JAK2: variants seen among roughly 807,000 people sequenced by gnomAD.
JAK2 encodes the protein tyrosine-protein kinase JAK2.
A neutral mutation model predicts 139.3 loss-of-function variants in JAK2; 86 were observed. The observed-to-expected ratio is 0.62, with a 90% CI of 0.52 to 0.74. The LOEUF is 0.74. Among genes scored for constraint, JAK2 ranks in the 30% least tolerant of loss-of-function variants. JAK2 has a pLI of 0.00. For missense variants in JAK2, 1,421 were observed against 1,360.3 expected (o/e 1.04, Z -0.70); for synonymous variants, 490 against 437.7 (o/e 1.12, Z -1.49).
rs117569781 is a variant in JAK2, at chr9:5,075,832, G to A, written c.1865-1621G>A. The stretch of plus-strand genomic sequence containing the variant: ...AGCTGCCATAGATAGTGATTCCTCT[G>A]GTGGATCTGGGTAAAGTAAGTAGAA... On this transcript the variant is annotated intron_variant, in intron 14 of 24. Coordinates refer to ENST00000381652, the MANE Select transcript of JAK2 (RefSeq NM_004972.4). Among the ~76,000 whole-genome samples, 907 of 152,220 alleles carry A rather than the reference G, an allele frequency of 6.0e-3. 2 individuals carry two copies. The highest frequency in any genetic ancestry group is 0.01 in the Non-Finnish European group (688 of 68,020).
At chr9:5,092,124 G>A (rs1444101717) in intron 22 of JAK2, among the ~76,000 whole-genome samples, 3 of 152,088 alleles carry the variant, frequency 2.0e-5, no homozygotes, top group East Asian at 1.9e-4. Flanking sequence ...ACATAAAAAC[G>A]TTAGGTCAAC....
intron 22 of JAK2, chr9:5,114,396 G>C (rs1704482389): frequency 1.9e-6 from 1 of 514,076 alleles, no homozygotes; most frequent in Admixed American, 2.3e-5. Context: ...CCTGCTGGTG[G>C]GCACCAGAGA....
Position 5,054,617 on chromosome 9 carries a change from T to G in JAK2, c.669T>G (p.Ile223Met), listed in dbSNP as rs771717638. 6.2e-7 allele frequency: 1 copy of G among 1,612,402 alleles called. No homozygotes were observed. The highest frequency in any genetic ancestry group is 1.7e-5 in the Admixed American group (1 of 59,846). Residue 223 changes from isoleucine (I) to methionine (M), a missense_variant, in exon 7 of 25, where the codon ATT becomes ATG. Ile to Met is a conservative substitution (Grantham distance 10). Coordinates refer to ENST00000381652, the MANE Select transcript of JAK2 (RefSeq NM_004972.4). The surrounding 1 kb of genome is among the most constrained non-coding windows in gnomAD (Gnocchi z 4.9). ...GAGCAAAGATCCAAGACTATCATAT[T>G]TTGACAAGGAAGCGAATAAGGTACA... Reference protein sequence around the residue: ...CIRAKIQDYHILTRKRIRYRF... With the variant: ...CIRAKIQDYHMLTRKRIRYRF...
In JAK2 at chr9:5,050,815, A is replaced by G. The variant is rs1338267116; in HGVS notation, c.598A>G (p.Ile200Val). 6.2e-7 allele frequency: 1 copy of G among 1,613,390 alleles called. No individual in the cohort carries two copies. Among genetic ancestry groups the G allele is most frequent in the Non-Finnish European group, 8.5e-7 (1 of 1,179,586 alleles). Residue 200 changes from isoleucine to valine, a missense_variant, in exon 6 of 25, where the codon ATC (isoleucine) becomes GTC (valine). Coordinates refer to ENST00000381652, the MANE Select transcript of JAK2 (RefSeq NM_004972.4). ...AKENDQTPLAIYNSISYKTFL... is the reference protein window; with the variant it reads ...AKENDQTPLAVYNSISYKTFL... ...AGAAAACGATCAAACCCCACTGGCC[A>G]TCTATAACTCTATCAGGTAATTTTC...
chr9:5,100,636 C>T (rs981732524), intron 22 of JAK2: 1 of 152,238 alleles, frequency 6.6e-6, no homozygotes, highest in African/African-American at 2.4e-5. Context: ...TTTCTGAATA[C>T]ATCTGTATTA....
chr9:5,097,212 G>A (rs951933120), intron 22 of JAK2: 4 of 151,912 alleles, frequency 2.6e-5, no homozygotes, highest in African/African-American at 4.8e-5. Flanking sequence ...ACCCCTTTTC[G>A]TCCAACCATT....
At chr9:5,037,403 C>T (rs1435665223) in intron 4 of JAK2, among the ~76,000 whole-genome samples, 8 of 152,190 alleles carry the variant, frequency 5.3e-5, no homozygotes, top group Non-Finnish European at 5.9e-5. Flanking sequence ...AAGACACATG[C>T]ACACGTATGT....
At chr9:5,023,633 C>T (rs1489540939) in intron 3 of JAK2, among the ~76,000 whole-genome samples, 1 of 152,204 alleles carries the variant, frequency 6.6e-6, no homozygotes, top group Non-Finnish European at 1.5e-5. Context: ...TGGAGTCTCT[C>T]CTAGCTTCTT....
chr9:5,095,337 A>G (rs1355335132), intron 22 of JAK2, among the ~76,000 whole-genome samples: 1 of 152,152 alleles, frequency 6.6e-6, no homozygotes, highest in Non-Finnish European at 1.5e-5. Context: ...GAATAAATAT[A>G]GTAGTTCTTA....
At chr9:5,086,443 C>A (rs918509220) in intron 19 of JAK2, among the ~76,000 whole-genome samples, 2 of 152,206 alleles carry the variant, frequency 1.3e-5, no homozygotes, top group African/African-American at 2.4e-5. Context: ...TTATCAGCAT[C>A]ATTCTCAATC....
intron 2 of JAK2, among the ~76,000 whole-genome samples, chr9:5,004,204 A>G (rs1208406635): frequency 6.6e-6 from 1 of 152,196 alleles, no homozygotes; most frequent in East Asian, 1.9e-4. Flanking sequence ...GGTAATCACC[A>G]TGATGTACAA....
At chr9:5,095,255 C>T (rs982151742) in intron 22 of JAK2, among the ~76,000 whole-genome samples, 1 of 151,670 alleles carries the variant, frequency 6.6e-6, no homozygotes, top group African/African-American at 2.4e-5. Context: ...CTTATTATCT[C>T]TCTTACTATT....
At chr9:5,116,658 C>T (rs908685286) in intron 22 of JAK2, among the ~76,000 whole-genome samples, 7 of 152,100 alleles carry the variant, frequency 4.6e-5, no homozygotes, top group Admixed American at 3.9e-4. Flanking sequence ...TATTAAGACT[C>T]TACTGTGCTC....
chr9:5,029,465 G>A (rs765782299), intron 3 of JAK2, among the ~76,000 whole-genome samples: 13 of 152,158 alleles, frequency 8.5e-5, no homozygotes, highest in African/African-American at 1.9e-4. Context: ...AAGTGAGCAC[G>A]TGCTGTTGGA....
At chr9:5,020,812 G>A (rs1015373434) in intron 2 of JAK2, among the ~76,000 whole-genome samples, 6 of 152,098 alleles carry the variant, frequency 3.9e-5, no homozygotes, top group African/African-American at 1.4e-4. Context: ...GGTGACTGTC[G>A]GTGGAGGATG....
intron 3 of JAK2, among the ~76,000 whole-genome samples, chr9:5,028,321 G>A (rs1822915090): frequency 6.6e-6 from 1 of 152,138 alleles, no homozygotes; most frequent in African/African-American, 2.4e-5. Flanking sequence ...TGAGCTTTAG[G>A]TCTCAACGGT....
chr9:4,997,633 A>C (rs530470211), intron 2 of JAK2, among the ~76,000 whole-genome samples: 1 of 152,238 alleles, frequency 6.6e-6, no homozygotes, highest in African/African-American at 2.4e-5. Flanking sequence ...AAAGGGGACA[A>C]CATCCAAACT....
chr9:5,047,236 G>A (rs1281237282), intron 5 of JAK2, among the ~76,000 whole-genome samples: 1 of 152,098 alleles, frequency 6.6e-6, no homozygotes, highest in Non-Finnish European at 1.5e-5. Flanking sequence ...TAGCAAATGT[G>A]ACCAGTGGCA....
chr9:5,077,722 A>C (rs1301952453), intron 15 of JAK2, 142 bp downstream of exon 15: 4 of 468,632 alleles, frequency 8.5e-6, no homozygotes, highest in Non-Finnish European at 1.4e-5. Flanking sequence ...TGATAAAAAG[A>C]GATTACTTTA....
Sources: allele counts gnomAD v4.1 joint callset (sites outside exome capture counted in the v4.1 genomes callset), GRCh38; gene constraint gnomAD v4.1.1; non-coding constraint Gnocchi (gnomAD v3.1); transcripts MANE v1.5; gene names NCBI Gene and HGNC (gene_info 2026-07-23, HGNC 2026-07-21).